The following CLRN1 variants were observed in gnomAD, a reference collection of about 807,000 sequenced individuals.
CLRN1 encodes clarin-1.
In CLRN1, 15 loss-of-function variants were observed where a neutral mutation model predicts 18.7. The ratio of observed to expected loss-of-function variants is 0.80; its 90% CI spans 0.54 to 1.23. The LOEUF is 1.23. Ranked by LOEUF, CLRN1 falls within the 50% of genes most tolerant of loss-of-function variation. The pLI is 0.00. For missense variants in CLRN1, 311 were observed against 277.5 expected, an observed-to-expected ratio of 1.12 and a Z score of -0.86; for synonymous variants, 104 against 102.9, an observed-to-expected ratio of 1.01 and a Z score of -0.07.
At chr3:150,952,832 G>A (rs1009944580) in intron 1 of CLRN1, among the ~76,000 whole-genome samples, 4 of 152,170 alleles carry the variant, frequency 2.6e-5, no homozygotes, top group African/African-American at 7.2e-5. Context: ...ATTGTCATGT[G>A]GAGCAGTTTA....
intron 1 of CLRN1, among the ~76,000 whole-genome samples, chr3:150,969,311 ATATTTTTTTTTTTTTTT>A (rs1353709232): frequency 5.0e-5 from 3 of 59,860 alleles, no homozygotes; most frequent in Non-Finnish European, 8.4e-5. Flanking sequence ...ATATATATAT[ATATTTTTTTTTTTTTTT>A]TTTTTTTTTT....
At chr3:150,935,128 GTTTTTTTATT>G (rs113441574) in intron 2 of CLRN1, among the ~76,000 whole-genome samples, 48,348 of 151,356 alleles carry the variant, frequency 0.32, 8,080 homozygotes, top group South Asian at 0.41. Context: ...ATCAATTTTT[GTTTTTTTATT>G]TTATTTTATT....
At chr3:150,940,898 C>A (rs1425861329) in intron 2 of CLRN1, among the ~76,000 whole-genome samples, 1 of 152,152 alleles carries the variant, frequency 6.6e-6, no homozygotes, top group East Asian at 1.9e-4. Flanking sequence ...ATACACCTAG[C>A]ATTAGGCTAC....
intron 1 of CLRN1, among the ~76,000 whole-genome samples, chr3:150,957,713 CA>C (rs1469948824): frequency 6.6e-6 from 1 of 152,194 alleles, no homozygotes; most frequent in Non-Finnish European, 1.5e-5. Context: ...GGCTGGAGTG[CA>C]ATGGCACGAT....
intron 2 of CLRN1, among the ~76,000 whole-genome samples, chr3:150,931,562 C>G (rs899881181): frequency 6.6e-6 from 1 of 152,192 alleles, no homozygotes; most frequent in South Asian, 2.1e-4. Flanking sequence ...GTCATTCCTC[C>G]CATGGTCAGA....
At chr3:150,965,853 T>G (rs571498678) in intron 1 of CLRN1, among the ~76,000 whole-genome samples, 1 of 152,388 alleles carries the variant, frequency 6.6e-6, no homozygotes, top group African/African-American at 2.4e-5. Flanking sequence ...ATGTTGATTC[T>G]GTACTTTTTT....
chr3:150,954,841 G>T (rs918041752), intron 1 of CLRN1, among the ~76,000 whole-genome samples: 2 of 152,158 alleles, frequency 1.3e-5, no homozygotes, highest in Non-Finnish European at 2.9e-5. Flanking sequence ...ATATCCAATT[G>T]TTTCAGAACT....
At chr3:150,962,315 C>T (rs961223983) in intron 1 of CLRN1, among the ~76,000 whole-genome samples, 4 of 152,138 alleles carry the variant, frequency 2.6e-5, no homozygotes, top group African/African-American at 9.7e-5. Flanking sequence ...TGTATCTCGC[C>T]ATAGACAATT....
At chr3:150,952,358 C>T (rs1481492337) in intron 1 of CLRN1, among the ~76,000 whole-genome samples, 2 of 152,142 alleles carry the variant, frequency 1.3e-5, no homozygotes, top group African/African-American at 4.8e-5. Context: ...GGCCAGCAAC[C>T]GATACTCTAC....
At chr3:150,957,566 A>G (rs1019495028) in intron 1 of CLRN1, among the ~76,000 whole-genome samples, 7 of 151,930 alleles carry the variant, frequency 4.6e-5, no homozygotes, top group African/African-American at 1.7e-4. Context: ...CTAAGGTTTC[A>G]CCTCACTGAC....
At chr3:150,958,962 G>A (rs941752528) in intron 1 of CLRN1, among the ~76,000 whole-genome samples, 2 of 152,196 alleles carry the variant, frequency 1.3e-5, no homozygotes, top group Non-Finnish European at 2.9e-5. Context: ...ATTCCAGATG[G>A]TGGCAGTATC....
intron 1 of CLRN1, among the ~76,000 whole-genome samples, chr3:150,944,958 A>T (rs1262917140): frequency 6.6e-6 from 1 of 152,130 alleles, no homozygotes; most frequent in Non-Finnish European, 1.5e-5. Context: ...AATAGGATTT[A>T]TGTTTCTGGA....
Position 150,926,684 on chromosome 3 carries a change from C to A in CLRN1, c.*1252G>T. ...CCTTGTAAATAGTTCCAAAGGGAAA[C>A]AGTGTTTTATTTTAAGGAGTACTTT... On this transcript the variant is annotated 3_prime_UTR_variant, in exon 3 of 3. Transcript: ENST00000327047. 1 of 1,083,526 alleles carries A rather than the reference C, an allele frequency of 9.2e-7. No individual in the cohort carries two copies. Among genetic ancestry groups the A allele is most frequent in the Non-Finnish European group, 1.4e-6 (1 of 714,574 alleles). 67.1% of individuals were successfully genotyped at this position (1,083,526 alleles called of 1,614,324 possible).
intron 2 of CLRN1, among the ~76,000 whole-genome samples, chr3:150,931,017 A>C (rs1713105107): frequency 6.6e-6 from 1 of 152,166 alleles, no homozygotes; most frequent in Non-Finnish European, 1.5e-5. Context: ...GTTGATCACG[A>C]GGTCAACGTT....
intron 1 of CLRN1, among the ~76,000 whole-genome samples, chr3:150,961,630 CCTT>C (rs1285825298): frequency 6.6e-6 from 1 of 152,166 alleles, no homozygotes; most frequent in East Asian, 1.9e-4. Context: ...CTCAACCTGT[CCTT>C]CTCTACATAA....
rs551254085 is a variant in CLRN1, at chr3:150,935,681, A to G, written c.433+5901T>C. ...ACCCAGTAATGGGATGGCTGGGTCA[A>G]ATGGTATTTCTAGTTCTAGATCCCT... On this transcript the variant is annotated intron_variant, in intron 2 of 2. Transcript: ENST00000327047. Among the ~76,000 whole-genome samples, 54 of 151,588 alleles carry G rather than the reference A, an allele frequency of 3.6e-4. 1 individual carries two copies. The South Asian group carries it at 8.5e-3, about 24-fold the overall frequency.
Position 150,972,602 on chromosome 3 carries a change from GC to G in CLRN1, c.106del (p.Ala36ProfsTer36). On this transcript the variant is annotated frameshift_variant, in exon 1 of 3. Coordinates refer to ENST00000327047, the MANE Select transcript of CLRN1 (RefSeq NM_174878.3). LOFTEE classifies it high-confidence loss of function. The stretch of plus-strand genomic sequence containing the variant: ...AGCTCCCGTTTTGCAGAGGACAGTG[GC>G]TTTGATCCACAACGGTGTCCCCAAG... ...TALGTPLWIK[A>X]TVLCKTGALL... 1 of 1,614,230 alleles carries G rather than the reference GC, an allele frequency of 6.2e-7. No homozygotes were observed. Among genetic ancestry groups the G allele is most frequent in the Non-Finnish European group, 8.5e-7 (1 of 1,180,044 alleles).
intron 1 of CLRN1, chr3:150,944,165 T>C (rs568448626): frequency 8.3e-5 from 33 of 397,102 alleles, no homozygotes; most frequent in South Asian, 4.8e-4. Flanking sequence ...GAAAGAACTT[T>C]CCAGGGAAAA....
At chr3:150,936,838 G>A (rs907576279) in intron 2 of CLRN1, among the ~76,000 whole-genome samples, 3 of 151,832 alleles carry the variant, frequency 2.0e-5, no homozygotes, top group Admixed American at 6.6e-5. Context: ...GCCTTCTTTC[G>A]GTTCCTACAA....
Sources: gnomAD v4.1 joint callset for allele counts (sites outside exome capture counted in the v4.1 genomes callset) on GRCh38, gnomAD v4.1.1 for gene constraint, MANE v1.5 for transcripts, NCBI Gene and HGNC (gene_info 2026-07-23, HGNC 2026-07-21) for gene names.